The following CHN2 variants were observed in gnomAD, a reference collection of about 807,000 sequenced individuals.
The protein encoded by CHN2 is beta-chimaerin.
Under a neutral mutation model 56.3 loss-of-function variants are expected in CHN2, and 35 were observed. The ratio of observed to expected loss-of-function variants is 0.62; its 90% CI spans 0.47 to 0.82. The LOEUF (loss-of-function observed/expected upper bound fraction) is 0.82. Ranked by LOEUF, CHN2 falls within the 40% of genes least tolerant of loss-of-function variation. CHN2 has a pLI of 0.00. For synonymous variants in CHN2, 210 were observed against 212.8 expected (o/e 0.99, Z 0.12); for missense variants, 491 against 580.5 (o/e 0.85, Z 1.58).
intron 9 of CHN2, among the ~76,000 whole-genome samples, chr7:29,500,855 G>T (rs546400098): frequency 6.6e-6 from 1 of 152,332 alleles, no homozygotes; most frequent in South Asian, 2.1e-4. Flanking sequence ...AAACAAGGAA[G>T]ATAGAAACAT....
chr7:29,356,616 C>T (rs1798333929), intron 2 of CHN2, among the ~76,000 whole-genome samples: 1 of 152,152 alleles, frequency 6.6e-6, no homozygotes, highest in South Asian at 2.1e-4. Context: ...TGTTTCACTT[C>T]ACAAACATCT....
At chr7:29,203,239 G>A (rs1784285883) in intron 1 of CHN2, among the ~76,000 whole-genome samples, 1 of 152,084 alleles carries the variant, frequency 6.6e-6, no homozygotes, top group East Asian at 1.9e-4. Context: ...GGCCAAGGCG[G>A]GTGGATCACC....
chr7:29,334,433 T>C (rs1017770428), intron 1 of CHN2: 4 of 152,220 alleles, frequency 2.6e-5, no homozygotes, highest in African/African-American at 9.6e-5. Flanking sequence ...GGTGAAAAAT[T>C]AGAAACATTC....
chr7:29,394,053 G>A (rs1801552618), intron 4 of CHN2, among the ~76,000 whole-genome samples: 1 of 152,090 alleles, frequency 6.6e-6, no homozygotes, highest in African/African-American at 2.4e-5. Flanking sequence ...CAATAGAAAC[G>A]TTTGGTGTGT....
At chr7:29,281,502 T>C (rs1159762099) in intron 1 of CHN2, among the ~76,000 whole-genome samples, 2 of 152,216 alleles carry the variant, frequency 1.3e-5, no homozygotes, top group Non-Finnish European at 2.9e-5. Context: ...AATTGCTGCA[T>C]CAAGGAGAAT....
chr7:29,378,116 T>C (rs1289368930), intron 3 of CHN2, among the ~76,000 whole-genome samples: 4 of 152,260 alleles, frequency 2.6e-5, no homozygotes, highest in Non-Finnish European at 5.9e-5. Context: ...GGCTTAATGA[T>C]GTTTCATCAA....
At chr7:29,294,161 C>G (rs1198261952) in intron 1 of CHN2, among the ~76,000 whole-genome samples, 1 of 152,066 alleles carries the variant, frequency 6.6e-6, no homozygotes, top group African/African-American at 2.4e-5. Context: ...CCACGGCGCC[C>G]GGCCTGAGGG....
At chr7:29,177,888 A>C (rs1222004794) in intron 2 of CHN2, among the ~76,000 whole-genome samples, 1 of 152,084 alleles carries the variant, frequency 6.6e-6, no homozygotes, top group African/African-American at 2.4e-5. Context: ...TAGACATTTC[A>C]TAGGTGCCTC....
intron 2 of CHN2, among the ~76,000 whole-genome samples, chr7:29,357,561 T>G (rs574439824): frequency 1.5e-4 from 23 of 152,348 alleles, no homozygotes; most frequent in Admixed American, 1.2e-3. Context: ...ATGAATAAAA[T>G]GTGGCTTATA....
chr7:29,168,546 C>G (rs1219573001), intron 2 of CHN2, among the ~76,000 whole-genome samples: 2 of 152,154 alleles, frequency 1.3e-5, no homozygotes, highest in Non-Finnish European at 2.9e-5. Flanking sequence ...GCCAGACATC[C>G]TATAGTTTCA....
chr7:29,195,435 C>G (rs377545824), intron 1 of CHN2: 16 of 170,726 alleles, frequency 9.4e-5, no homozygotes, highest in African/African-American at 3.6e-4. Context: ...TCCTCGCAGA[C>G]TTGATTTTCT....
chr7:29,471,473 C>G (rs1786028191), intron 6 of CHN2, among the ~76,000 whole-genome samples: 1 of 152,176 alleles, frequency 6.6e-6, no homozygotes, highest in Non-Finnish European at 1.5e-5. Flanking sequence ...TCAGCCAACC[C>G]AGGAAGCATC....
intron 1 of CHN2, among the ~76,000 whole-genome samples, chr7:29,231,154 G>A (rs936003222): frequency 8.5e-5 from 13 of 152,118 alleles, no homozygotes; most frequent in Admixed American, 8.5e-4. Context: ...TTGCTTTGGG[G>A]AAAAATATTC....
rs575571018 is a variant in CHN2, at chr7:29,506,822, C to T, written c.992-406C>T. 5.9e-5 allele frequency among the ~76,000 whole-genome samples: 9 copies of T among 152,308 alleles called. No individual in the cohort carries two copies. In the South Asian group the frequency reaches 1.2e-3, roughly 21 times the overall value. ...AACTATTCAACAATCATTTTGTGAA[C>T]GTGACTTCCAAATCCAAGTCTAAAA... On this transcript the variant is annotated intron_variant, in intron 10 of 12. Coordinates refer to ENST00000222792, the MANE Select transcript of CHN2 (RefSeq NM_004067.4).
chr7:29,229,419 A>G (rs560966716), intron 1 of CHN2, among the ~76,000 whole-genome samples: 3 of 152,192 alleles, frequency 2.0e-5, no homozygotes, highest in Non-Finnish European at 4.4e-5. Context: ...AAAAAAAATC[A>G]CTGATGATGT....
chr7:29,292,884 T>C (rs1792751569), intron 1 of CHN2: 1 of 456,182 alleles, frequency 2.2e-6, no homozygotes, highest in African/African-American at 2.0e-5. Context: ...CGGATTACAA[T>C]AACCTCTTAA....
At chr7:29,256,449 T>C (rs1287833128) in intron 1 of CHN2, among the ~76,000 whole-genome samples, 1 of 152,236 alleles carries the variant, frequency 6.6e-6, no homozygotes, top group Non-Finnish European at 1.5e-5. Flanking sequence ...TTTTGTTCTT[T>C]CAATTTTAAC....
At chr7:29,403,153 G>A (rs1802354147) in intron 6 of CHN2, among the ~76,000 whole-genome samples, 1 of 152,024 alleles carries the variant, frequency 6.6e-6, no homozygotes, top group African/African-American at 2.4e-5. Flanking sequence ...AAGTTACTTG[G>A]TACGAATCCA....
At chr7:29,234,075 C>T (rs549112152) in intron 1 of CHN2, among the ~76,000 whole-genome samples, 15 of 151,442 alleles carry the variant, frequency 9.9e-5, no homozygotes, top group African/African-American at 1.5e-4. Flanking sequence ...CCTCGTGATC[C>T]GCCCGCCTCG....
Sources: gnomAD v4.1 joint callset for allele counts (sites outside exome capture counted in the v4.1 genomes callset) on GRCh38, gnomAD v4.1.1 for gene constraint, MANE v1.5 for transcripts, NCBI Gene and HGNC (gene_info 2026-07-23, HGNC 2026-07-21) for gene names.